Variants in PRIM2 observed in about 807,000 individuals in gnomAD.
The protein encoded by PRIM2 is DNA primase subunit 2, also known as DNA primase large subunit.
Under a neutral mutation model 67.3 loss-of-function variants are expected in PRIM2, and 39 were observed. The observed-to-expected ratio is 0.58, with a 90% CI of 0.45 to 0.76. The LOEUF (loss-of-function observed/expected upper bound fraction) is 0.76, where lower values mean the gene tolerates loss of function less well. PRIM2 is among the 30% of genes least tolerant of loss of function. PRIM2 has a pLI of 0.00. For missense variants in PRIM2, 398 were observed against 598.7 expected (o/e 0.66, Z 3.50); for synonymous variants, 143 against 198.7 (o/e 0.72, Z 2.36).
At chr6:57,566,216 T>TA (rs1775737038) in intron 10 of PRIM2, among the ~76,000 whole-genome samples, 1 of 151,630 alleles carries the variant, frequency 6.6e-6, no homozygotes, top group African/African-American at 2.4e-5. Context: ...TCTAAAGACT[T>TA]ACGTAGATTC....
chr6:57,238,878 T>G, the PRIM2 span, among the ~76,000 whole-genome samples: 2 of 152,260 alleles, frequency 1.3e-5, no homozygotes, highest in Non-Finnish European at 2.9e-5. Context: ...GAATAACTCT[T>G]CTTTGACATA....
the PRIM2 span, among the ~76,000 whole-genome samples, chr6:57,226,467 A>C: frequency 2.0e-5 from 3 of 152,230 alleles, no homozygotes; most frequent in African/African-American, 7.2e-5. Context: ...AAAGGGAGCC[A>C]GTGTGCAGGA....
rs1339819276 is a variant in PRIM2 at position 57,620,111 on chromosome 6, G to A, written c.1231-12022G>A. On this transcript the variant is annotated intron_variant, in intron 12 of 13. Coordinates refer to ENST00000615550, the MANE Select transcript of PRIM2 (RefSeq NM_000947.5). ...CTTGGGAGGCTGAGGCAGGAGAATC[G>A]CTTGAACCTGGGAGGCTGAGGTTAC... is the stretch of plus-strand genomic sequence containing the variant. Among the ~76,000 whole-genome samples, 223 of 152,176 alleles carry A rather than the reference G, an allele frequency of 1.5e-3. 1 individual carries two copies. Among genetic ancestry groups the A allele is most frequent in the African/African-American group, 4.4e-3 (184 of 41,506 alleles).
intron 7 of PRIM2, among the ~76,000 whole-genome samples, chr6:57,437,914 C>G (rs1772066598): frequency 1.3e-5 from 2 of 152,160 alleles, no homozygotes; most frequent in African/African-American, 4.8e-5. Flanking sequence ...GCCTTAGCTT[C>G]CCCAAATGCT....
rs1404669104 is a variant in PRIM2, at chr6:57,645,508, G to A, written c.1300-420G>A. 2.8e-5 allele frequency among the ~76,000 whole-genome samples: 4 copies of A among 145,424 alleles called. No individual in the cohort carries two copies. The South Asian group carries it at 6.7e-4, about 24-fold the overall frequency. ...GGGAGGTGGCAGGTGGGAGTTGGGG[G>A]CTGGGGAGGTGAGAGAAAGGTGTCT... On this transcript the variant is annotated intron_variant, in intron 13 of 13. Coordinates refer to ENST00000615550, the MANE Select transcript of PRIM2 (RefSeq NM_000947.5).
intron 7 of PRIM2, among the ~76,000 whole-genome samples, chr6:57,493,389 T>C (rs1425711050): frequency 1.2e-4 from 18 of 152,376 alleles, no homozygotes; most frequent in African/African-American, 4.3e-4. Context: ...TGGCAACTTA[T>C]GGCAAATACA....
At chr6:57,468,253 T>C (rs1773252280) in intron 7 of PRIM2, among the ~76,000 whole-genome samples, 1 of 152,212 alleles carries the variant, frequency 6.6e-6, no homozygotes, top group South Asian at 2.1e-4. Flanking sequence ...CCGTATGATA[T>C]TGGCTGTGGG....
chr6:57,561,088 AC>A (rs1775617840), intron 10 of PRIM2, among the ~76,000 whole-genome samples: 1 of 152,160 alleles, frequency 6.6e-6, no homozygotes, highest in African/African-American at 2.4e-5. Flanking sequence ...TAGTATAGCC[AC>A]CTTTGTCATC....
chr6:57,492,395 T>C (rs1773915659), intron 7 of PRIM2, among the ~76,000 whole-genome samples: 1 of 151,772 alleles, frequency 6.6e-6, no homozygotes, highest in Non-Finnish European at 1.5e-5. Context: ...ATACAAAAAT[T>C]AGCAGGGCAT....
intron 7 of PRIM2, among the ~76,000 whole-genome samples, chr6:57,490,338 G>A (rs1554345868): frequency 5.4e-4 from 82 of 152,216 alleles, no homozygotes; most frequent in African/African-American, 1.9e-3. Flanking sequence ...TTCACCAAAA[G>A]GGACAGTACT....
chr6:57,587,374 G>A (rs1776208683), intron 10 of PRIM2, among the ~76,000 whole-genome samples: 1 of 152,094 alleles, frequency 6.6e-6, no homozygotes, highest in Non-Finnish European at 1.5e-5. Context: ...ATTATAAAAG[G>A]CAGAACACAG....
At chr6:57,441,528 A>G (rs936412466) in intron 7 of PRIM2, among the ~76,000 whole-genome samples, 1 of 152,160 alleles carries the variant, frequency 6.6e-6, no homozygotes, top group African/African-American at 2.4e-5. Flanking sequence ...GGTCACATAA[A>G]TACACCTACC....
chr6:57,240,681 G>A, the PRIM2 span, among the ~76,000 whole-genome samples: 1 of 152,118 alleles, frequency 6.6e-6, no homozygotes, highest in Non-Finnish European at 1.5e-5. Flanking sequence ...CTGTCTCCAA[G>A]GAGAGATAAT....
the PRIM2 span, among the ~76,000 whole-genome samples, chr6:57,274,963 T>TTTTG: frequency 6.9e-6 from 1 of 145,044 alleles, no homozygotes; most frequent in African/African-American, 2.6e-5. Context: ...TTTTTTGTAT[T>TTTTG]TCTAGGAGAG....
the PRIM2 span, among the ~76,000 whole-genome samples, chr6:57,235,283 T>C: frequency 6.6e-6 from 1 of 152,194 alleles, no homozygotes; most frequent in East Asian, 1.9e-4. Context: ...GCCAACATGG[T>C]GAAGCCCCAT....
chr6:57,579,297 G>C (rs1776033466), intron 10 of PRIM2, among the ~76,000 whole-genome samples: 1 of 151,976 alleles, frequency 6.6e-6, no homozygotes, highest in Admixed American at 6.6e-5. Flanking sequence ...GAGGCTTATA[G>C]ATCCATGTTT....
intron 7 of PRIM2, among the ~76,000 whole-genome samples, chr6:57,489,731 C>T (rs1422124154): frequency 2.0e-5 from 3 of 152,266 alleles, no homozygotes; most frequent in African/African-American, 7.2e-5. Context: ...GCTGTTGGCT[C>T]CTTCTCCCAA....
intron 10 of PRIM2, among the ~76,000 whole-genome samples, chr6:57,587,664 CAAAAAAAAAAAAAAAA>C (rs1157172882): frequency 1.1e-4 from 6 of 54,240 alleles, no homozygotes; most frequent in South Asian, 2.5e-3. Context: ...GACTCTGTCT[CAAAAAAAAAAAAAAAA>C]AAAAAAAAAA....
chr6:57,309,452 C>T, the PRIM2 span, among the ~76,000 whole-genome samples: 1 of 151,784 alleles, frequency 6.6e-6, no homozygotes, highest in East Asian at 1.9e-4. Context: ...CATCCATATC[C>T]CTACAAAGGA....
Sources: gnomAD v4.1 joint callset for allele counts (sites outside exome capture counted in the v4.1 genomes callset) on GRCh38, gnomAD v4.1.1 for gene constraint, MANE v1.5 for transcripts, NCBI Gene and HGNC (gene_info 2026-07-23, HGNC 2026-07-21) for gene names.